The following ARHGAP17 variants were observed in gnomAD, a reference collection of about 807,000 sequenced individuals.
The protein encoded by ARHGAP17 is Rho GTPase activating protein 17, also known as rho GTPase-activating protein 17.
Under a neutral mutation model 99.5 loss-of-function variants are expected in ARHGAP17, and 57 were observed. The observed-to-expected ratio is 0.57, with a 90% CI of 0.46 to 0.71. The LOEUF is 0.71. Ranked by LOEUF, ARHGAP17 falls within the 30% of genes least tolerant of loss-of-function variation. The pLI is 0.00. For synonymous variants in ARHGAP17, 417 were observed against 429.6 expected, an observed-to-expected ratio of 0.97 and a Z score of 0.36; for missense variants, 1,000 against 1,122.4, an observed-to-expected ratio of 0.89 and a Z score of 1.56.
intron 19 of ARHGAP17, among the ~76,000 whole-genome samples, chr16:24,923,174 G>A (rs912588895): frequency 6.6e-6 from 1 of 152,212 alleles, no homozygotes; most frequent in Non-Finnish European, 1.5e-5. Flanking sequence ...AGCCAGATTG[G>A]TTGCACTCTG....
intron 1 of ARHGAP17, among the ~76,000 whole-genome samples, chr16:24,985,865 C>A (rs912615748): frequency 1.3e-5 from 2 of 152,118 alleles, no homozygotes; most frequent in African/African-American, 4.8e-5. Flanking sequence ...CACACAGATG[C>A]ACACAGGTAG....
Position 24,931,342 on chromosome 16 carries a change from C to T in ARHGAP17, c.1957G>A (p.Gly653Ser). 6.6e-7 allele frequency: 1 copy of T among 1,505,456 alleles called. No homozygotes were observed. The allele number at this position is 1,505,456 out of a possible 1,614,324, so 93.3% of individuals were successfully genotyped here. Reference protein sequence around the residue: ...PGNPPPGHPGGQSSSGTSQHP... With the variant: ...PGNPPPGHPGSQSSSGTSQHP... ...TGAGATGTTCCTGAAGAACTCTGGC[C>T]CCCGGGGTGGCCAGGAGGTGGGTTG... is the stretch of plus-strand genomic sequence containing the variant. The change falls in exon 19 of 20, where the codon GGC becomes AGC. Residue 653 changes from glycine (G) to serine (S), a missense_variant. By Grantham distance (56) the Gly-to-Ser change is moderately conservative. This residue lies in a region of ARHGAP17 where 528 missense variants were observed against 511.4 expected (regional missense o/e 1.03). Transcript: ENST00000289968.
At chr16:24,949,697 G>A (rs1227766181) in intron 12 of ARHGAP17, among the ~76,000 whole-genome samples, 3 of 152,210 alleles carry the variant, frequency 2.0e-5, no homozygotes, top group African/African-American at 7.2e-5. Context: ...GTGCAAAACA[G>A]GGTAAGTGTT....
rs966842498 is a variant in ARHGAP17 at position 24,959,512 on chromosome 16, T to G, written c.724+159A>C. On this transcript the variant is annotated intron_variant, in intron 9 of 19. Coordinates refer to ENST00000289968, the MANE Select transcript of ARHGAP17 (RefSeq NM_001006634.3). The stretch of plus-strand genomic sequence containing the variant: ...TTTGGGTTTGGAAGAAATTAGAGAA[T>G]GCAGCAAGGAAGATGAAATTATGCT... Among the ~76,000 whole-genome samples the G allele has an allele frequency of 1.7e-4, 26 of 152,138 alleles. 1 individual carries two copies. The highest frequency in any genetic ancestry group is 3.8e-4 in the Non-Finnish European group (26 of 68,020).
At chr16:24,982,996 ATTTTTTTTTT>A (rs1193522045) in intron 1 of ARHGAP17, among the ~76,000 whole-genome samples, 26 of 46,960 alleles carry the variant, frequency 5.5e-4, no homozygotes, top group South Asian at 3.0e-3. Flanking sequence ...ATATATATAT[ATTTTTTTTTT>A]TTTTTTTTTT....
chr16:24,954,500 ATAAC>A, intron 10 of ARHGAP17, 99 bp downstream of exon 10: 1 of 1,462,408 alleles, frequency 6.8e-7, no homozygotes, highest in Non-Finnish European at 9.1e-7. Flanking sequence ...CAATGGCTGT[ATAAC>A]TAAGCAGGGG....
At chr16:24,982,622 G>A (rs1371671037) in intron 1 of ARHGAP17, among the ~76,000 whole-genome samples, 1 of 151,928 alleles carries the variant, frequency 6.6e-6, no homozygotes, top group Admixed American at 6.6e-5. Flanking sequence ...TTCCAATAAT[G>A]TGGTCCAAAT....
At chr16:24,920,907 G>A (rs1379182085) in intron 19 of ARHGAP17, 1 of 152,316 alleles carries the variant, frequency 6.6e-6, no homozygotes, top group Non-Finnish European at 1.5e-5. Context: ...TGACATCACT[G>A]AGGCAGACCA....
chr16:25,015,338 T>C lies in ARHGAP17; in HGVS notation c.-77A>G. On this transcript the variant is annotated 5_prime_UTR_variant, in exon 1 of 20. Transcript: ENST00000289968. ...ACAGCCTGGCAGCTACTACATCGCTTCCCGGCCCAAACGGCGGCGCGGCGG... is the reference window on the plus strand; with the variant it reads ...ACAGCCTGGCAGCTACTACATCGCTCCCCGGCCCAAACGGCGGCGCGGCGG... 1 of 1,195,274 alleles carries C rather than the reference T, an allele frequency of 8.4e-7. No homozygotes were observed. The highest frequency in any genetic ancestry group is 1.0e-6 in the Non-Finnish European group (1 of 955,560). The allele number at this position is 1,195,274 out of a possible 1,614,324, so 74.0% of individuals were successfully genotyped here.
intron 15 of ARHGAP17, among the ~76,000 whole-genome samples, chr16:24,942,812 T>C (rs2051355463): frequency 6.8e-6 from 1 of 147,426 alleles, no homozygotes; most frequent in African/African-American, 2.5e-5. Flanking sequence ...TAATATAAAA[T>C]AGAAATAAAA....
intron 19 of ARHGAP17, among the ~76,000 whole-genome samples, chr16:24,921,893 T>C (rs1165912507): frequency 6.6e-6 from 1 of 152,232 alleles, no homozygotes; most frequent in African/African-American, 2.4e-5. Flanking sequence ...AGGGGCTGTC[T>C]TGGATTTGTC....
At chr16:24,920,452 G>A in intron 19 of ARHGAP17, 192 bp from the exon 20 acceptor site, 1 of 598,008 alleles carries the variant, frequency 1.7e-6, no homozygotes, top group Non-Finnish European at 2.9e-6. Context: ...CAGCTGAGTA[G>A]CACAGCCTTG....
chr16:24,987,160 G>GC (rs2052894576), intron 1 of ARHGAP17, among the ~76,000 whole-genome samples: 1 of 152,176 alleles, frequency 6.6e-6, no homozygotes, highest in Non-Finnish European at 1.5e-5. Context: ...GACTCAGCTT[G>GC]CCACTGCAGC....
chr16:24,933,943 T>C (rs1402264200), intron 18 of ARHGAP17, among the ~76,000 whole-genome samples: 1 of 152,154 alleles, frequency 6.6e-6, no homozygotes, highest in Admixed American at 6.5e-5. Context: ...ACCTGGAATC[T>C]AGGTCCAGAA....
intron 1 of ARHGAP17, among the ~76,000 whole-genome samples, chr16:25,011,789 A>G (rs1373274725): frequency 6.6e-6 from 1 of 152,144 alleles, no homozygotes; most frequent in African/African-American, 2.4e-5. Context: ...TTATGAGCCA[A>G]TCAATTCCCG....
intron 9 of ARHGAP17, chr16:24,954,994 ACGCTGCAC>A: frequency 2.4e-6 from 1 of 420,384 alleles, no homozygotes; most frequent in Non-Finnish European, 4.2e-6. Context: ...CTGCAGTGGC[ACGCTGCAC>A]CTGCACCACA....
chr16:24,941,680 C>A lies in ARHGAP17; in HGVS notation c.1490+307G>T, dbSNP rs1308110736. The A allele has an allele frequency of 9.5e-6, 3 of 315,776 alleles. 1 individual carries two copies. Among genetic ancestry groups the A allele is most frequent in the Middle Eastern group, 1.9e-3 (2 of 1,058 alleles). The allele number at this position is 315,776 out of a possible 1,614,324, so 19.6% of individuals were successfully genotyped here. On this transcript the variant is annotated intron_variant, in intron 16 of 19. Coordinates refer to ENST00000289968, the MANE Select transcript of ARHGAP17 (RefSeq NM_001006634.3). ...TTATTTTCCTTTCTGTTTCCCCCCA[C>A]TCACGTACATCTGGGTCACTTTTAA... is the stretch of plus-strand genomic sequence containing the variant.
chr16:24,965,435 C>T (rs112811478), intron 6 of ARHGAP17, among the ~76,000 whole-genome samples: 16 of 152,300 alleles, frequency 1.1e-4, no homozygotes, highest in South Asian at 1.0e-3. Context: ...AAGATCGCAA[C>T]GCCGCACTCC....
intron 15 of ARHGAP17, among the ~76,000 whole-genome samples, chr16:24,942,976 T>C (rs115768416): frequency 0.019 from 2,858 of 151,722 alleles, 101 homozygotes; most frequent in African/African-American, 0.066. Context: ...GACAAAACAG[T>C]GGTAAAGAAA....
Sources: allele counts gnomAD v4.1 joint callset (sites outside exome capture counted in the v4.1 genomes callset), GRCh38; gene constraint gnomAD v4.1.1; regional missense constraint gnomAD v4.1.1; transcripts MANE v1.5; gene names NCBI Gene and HGNC (gene_info 2026-07-23, HGNC 2026-07-21).